The following WDR90 variants were observed in gnomAD, a reference collection of about 807,000 sequenced individuals.
WDR90 encodes the protein WD repeat domain 90.
A neutral mutation model predicts 195.2 loss-of-function variants in WDR90; 238 were observed. The observed-to-expected ratio is 1.22, with a 90% CI of 1.10 to 1.36. The LOEUF (loss-of-function observed/expected upper bound fraction) is 1.36. Ranked by LOEUF, WDR90 falls within the 40% of genes most tolerant of loss-of-function variation. The probability of loss-of-function intolerance (pLI) is 0.00; values close to 1 mark genes in which losing one functional copy is unlikely to be tolerated. For missense variants in WDR90, 2,734 were observed against 2,439.5 expected, an observed-to-expected ratio of 1.12 and a Z score of -2.54; for synonymous variants, 1,265 against 1,052.4, an observed-to-expected ratio of 1.20 and a Z score of -3.91.
chr16:661,363 C>G lies in WDR90; in HGVS notation c.3535C>G (p.Arg1179Gly), dbSNP rs573253866. 1.2e-6 allele frequency: 2 copies of G among 1,607,392 alleles called. No individual in the cohort carries two copies. The highest frequency in any genetic ancestry group is 1.7e-6 in the Non-Finnish European group (2 of 1,178,420). ...SAQVLASASG[R>G]SSTTAHCQIR... ...CCAGGTCCTGGCCTCTGCCTCGGGC[C>G]GAAGCAGCACGACCGCCCATTGTCA... Residue 1179 changes from arginine to glycine, a missense_variant, in exon 30 of 41, where the codon CGA becomes GGA. Transcript: ENST00000293879.
At chr16:653,266 G>A in intron 10 of WDR90, 75 bp from the exon 11 acceptor site, 4 of 1,274,464 alleles carry the variant, frequency 3.1e-6, no homozygotes, top group Non-Finnish European at 4.2e-6. Flanking sequence ...GGAGTGGGAG[G>A]TGAGGCTGAC....
At chr16:659,425 G>A in intron 26 of WDR90, 49 bp downstream of exon 26, 1 of 1,571,474 alleles carries the variant, frequency 6.4e-7, no homozygotes, top group South Asian at 1.2e-5. Flanking sequence ...GGGTCTGAGA[G>A]GGCACAGGCC....
At chr16:661,569 T>A in intron 30 of WDR90, 28 bp from the exon 31 acceptor site, 1 of 1,580,016 alleles carries the variant, frequency 6.3e-7, no homozygotes, top group Non-Finnish European at 8.6e-7. Context: ...TCTGTGCACC[T>A]GACGTGGCTG....
rs1016755089 is a variant in WDR90 at position 666,292 on chromosome 16, G to A, written c.4682G>A (p.Arg1561His). The change falls in exon 37 of 41, where the codon CGT (arginine) becomes CAT (histidine). Residue 1561 changes from arginine to histidine, a missense_variant. By Grantham distance (29) the Arg-to-His change is conservative. Transcript: ENST00000293879. Reference sequence around the variant, plus strand: ...CACCCCTGCACAGGGACAACCTTCCGTGTGCTGAGTGACCACCAGGGCGCC... The same window carrying A: ...CACCCCTGCACAGGGACAACCTTCCATGTGCTGAGTGACCACCAGGGCGCC... ...VSHPCTGTTF[R>H]VLSDHQGAPI... 4.3e-6 allele frequency: 7 copies of A among 1,612,746 alleles called. No homozygotes were observed. Among genetic ancestry groups the A allele is most frequent in the African/African-American group, 1.3e-5 (1 of 75,048 alleles).
chr16:654,792 G>A (rs1596461144), intron 13 of WDR90: 1 of 563,928 alleles, frequency 1.8e-6, no homozygotes, highest in East Asian at 2.9e-5. Context: ...GGGGGGGTTT[G>A]TACTTCTCTG....
In WDR90 at chr16:666,332, C is replaced by A; in HGVS notation, c.4722C>A (p.Ile1574=). The stretch of plus-strand genomic sequence containing the variant: ...ACCAGGGCGCCCCAATCTCTACCAT[C>A]TGTGTCACGTGCAAAGAGGTAAAGC... ...SDHQGAPIST[I]CVTCKECEDL... The change falls in exon 37 of 41, where the codon ATC becomes ATA. Residue 1574 remains isoleucine (I), a synonymous_variant. Coordinates refer to ENST00000293879, the MANE Select transcript of WDR90 (RefSeq NM_145294.5). 1 of 1,612,750 alleles carries A rather than the reference C, an allele frequency of 6.2e-7. No individual in the cohort carries two copies. The highest frequency in any genetic ancestry group is 1.1e-5 in the South Asian group (1 of 91,082).
At position 656,857 on chromosome 16, in the gene WDR90, C is replaced by T. The variant is rs374033938; in HGVS notation, c.2328C>T (p.Val776=). 28 of 1,612,766 alleles carry T rather than the reference C, an allele frequency of 1.7e-5. No individual in the cohort carries two copies. In the African/African-American group the frequency reaches 2.9e-4, roughly 17 times the overall value. ...CCTTCAGCCTGGAGGCCGCTGAGGT[C>T]CTGGTGGAACACACGTAAGTGCCCA... ...VRSFSLEAAE[V]LVEHTCHRGA... The change falls in exon 19 of 41, where the codon GTC becomes GTT. Residue 776 remains valine, a synonymous_variant. Transcript: ENST00000293879.
chr16:655,224 C>A lies in WDR90; in HGVS notation c.1556+77C>A, dbSNP rs750902713. ...GGGGCCGAGGCCCGAGCACCTCCCCCTGGCTTGGCTGTGCGTCTCTGCGTC... is the reference window on the plus strand; with the variant it reads ...GGGGCCGAGGCCCGAGCACCTCCCCATGGCTTGGCTGTGCGTCTCTGCGTC... On this transcript the variant is annotated intron_variant, in intron 14 of 40. Transcript: ENST00000293879. The A allele has an allele frequency of 6.8e-6, 11 of 1,612,086 alleles. No homozygotes were observed. In the African/African-American group the frequency reaches 1.2e-4, roughly 18 times the overall value.
Position 650,234 on chromosome 16 carries a change from G to A in WDR90, c.280-20G>A. 2 of 1,612,388 alleles carry A rather than the reference G, an allele frequency of 1.2e-6. No homozygotes were observed. Among genetic ancestry groups the A allele is most frequent in the Non-Finnish European group, 1.7e-6 (2 of 1,179,554 alleles). ...CCCCTGCGGCCCCTGTCTCCTCACG[G>A]CCCTGCTCCGTCCCCACAGGACAAC... On this transcript the variant is annotated intron_variant, in intron 3 of 40. Transcript: ENST00000293879.
Position 658,596 on chromosome 16 carries a change from C to T in WDR90, c.2838C>T (p.Ala946=), listed in dbSNP as rs753494117. ...AGGACGCCCGCTTCCTGCTGATTGC[C>T]GCCGGCCGGACCATCAAGGTGTGGG... ...LSEDARFLLI[A]AGRTIKVWDY... is the part of the protein sequence containing the mutation. The change falls in exon 23 of 41, where the codon GCC becomes GCT. Residue 946 remains alanine, a synonymous_variant. Coordinates refer to ENST00000293879, the MANE Select transcript of WDR90 (RefSeq NM_145294.5). The T allele has an allele frequency of 8.7e-5, 141 of 1,612,722 alleles. No individual in the cohort carries two copies. Among genetic ancestry groups the T allele is most frequent in the Admixed American group, 7.3e-4 (44 of 60,008 alleles).
At chr16:656,216 TTGCTGGGG>T (rs1311430220) in intron 17 of WDR90, 78 bp from the exon 18 acceptor site, 11 of 1,270,914 alleles carry the variant, frequency 8.7e-6, no homozygotes, top group African/African-American at 2.9e-5. Context: ...GGGAGTGCAT[TTGCTGGGG>T]TGTCGGGGAC....
At chr16:661,271 A>C in intron 29 of WDR90, 71 bp from the exon 30 acceptor site, 1 of 1,533,568 alleles carries the variant, frequency 6.5e-7, no homozygotes, top group South Asian at 1.2e-5. Flanking sequence ...AAGACGGAGC[A>C]GACGGCCACC....
chr16:657,421 T>C, intron 20 of WDR90, 200 bp downstream of exon 20: 1 of 922,782 alleles, frequency 1.1e-6, no homozygotes, highest in Admixed American at 3.1e-5. Context: ...AGGCCAGAGG[T>C]CAGCTCGGGT....
chr16:662,326 C>T lies in WDR90; in HGVS notation c.4140C>T (p.Gly1380=), dbSNP rs370018423. The T allele has an allele frequency of 3.4e-5, 53 of 1,561,300 alleles. No homozygotes were observed. The highest frequency in any genetic ancestry group is 2.4e-4 in the East Asian group (10 of 42,212). The part of the protein sequence containing the change: ...AVSELRCKGS[G]ASSVFMEHEL... The stretch of plus-strand genomic sequence containing the variant: ...CGGAGCTGAGGTGCAAGGGCTCAGG[C>T]GCCAGGTGAGCTGTTCACCCCTACG... Residue 1380 remains glycine, a synonymous_variant, in exon 33 of 41, where the codon GGC becomes GGT. Transcript: ENST00000293879.
intron 34 of WDR90, 106 bp downstream of exon 34, chr16:662,950 A>C (rs1241026390): frequency 6.7e-7 from 1 of 1,494,268 alleles, no homozygotes; most frequent in South Asian, 1.2e-5. Flanking sequence ...TCCTGCCGTC[A>C]CTGGCTCGCA....
chr16:666,410 T>A (rs1173235295), intron 37 of WDR90, 45 bp from the exon 38 acceptor site: 23 of 1,608,796 alleles, frequency 1.4e-5, no homozygotes, highest in Non-Finnish European at 2.0e-5. Flanking sequence ...GCAGGCACCA[T>A]CTTGGCAGAA....
intron 7 of WDR90, 58 bp downstream of exon 7, chr16:651,324 G>T: frequency 6.3e-7 from 1 of 1,575,434 alleles, no homozygotes; most frequent in South Asian, 1.1e-5. Flanking sequence ...CGTGGGGCTC[G>T]GTAGGAGAGG....
At position 665,698 on chromosome 16, in the gene WDR90, GC is replaced by G; in HGVS notation, c.4335del (p.Glu1447SerfsTer24). 6.2e-7 allele frequency: 1 copy of G among 1,612,684 alleles called. No homozygotes were observed. The highest frequency in any genetic ancestry group is 8.5e-7 in the Non-Finnish European group (1 of 1,179,900). On this transcript the variant is annotated frameshift_variant, in exon 35 of 41. Coordinates refer to ENST00000293879, the MANE Select transcript of WDR90 (RefSeq NM_145294.5). LOFTEE classifies it high-confidence loss of function. ...CCCCAGGTGAACGAGGTGGTCTTCA[GC>G]CCCGGGGAGTCCCACTGCGCCACAT... ...HRSKVNEVVF[S>X]PGESHCATCS...
rs2037833976 is a variant in WDR90, at chr16:659,126, G to A, written c.3052G>A (p.Gly1018Ser). The change falls in exon 25 of 41, where the codon GGC becomes AGC. Residue 1018 changes from glycine (G) to serine (S), a missense_variant and splice_region_variant. By Grantham distance (56) the Gly-to-Ser change is moderately conservative. Coordinates refer to ENST00000293879, the MANE Select transcript of WDR90 (RefSeq NM_145294.5). ...CGGGGCCCCCCCAGCCTGCAAGACA[G>A]GTGAGTGGCTGTGCTCAGCTGGGGT... ...FPGAPPACKT[G>S]PGAGPLEDAA... 6.2e-7 allele frequency: 1 copy of A among 1,611,550 alleles called. No homozygotes were observed. The highest frequency in any genetic ancestry group is 1.7e-5 in the Admixed American group (1 of 59,978).
Sources: allele counts gnomAD v4.1 joint callset, GRCh38; gene constraint gnomAD v4.1.1; transcripts MANE v1.5; gene names NCBI Gene and HGNC (gene_info 2026-07-23, HGNC 2026-07-21).